Variants in GPC5 observed in about 807,000 individuals in gnomAD.
GPC5 encodes the protein glypican 5, also known as glypican-5.
A neutral mutation model predicts 53.9 loss-of-function variants in GPC5; 47 were observed. That is an observed-to-expected ratio of 0.87 (90% CI 0.69 to 1.11). GPC5 has a LOEUF of 1.11. Ranked by LOEUF, GPC5 falls within the 50% of genes most tolerant of loss-of-function variation. The probability of loss-of-function intolerance (pLI) is 0.00; values close to 1 mark genes in which losing one functional copy is unlikely to be tolerated. For synonymous variants in GPC5, 286 were observed against 263.3 expected (o/e 1.09, Z -0.84); for missense variants, 748 against 713.1 (o/e 1.05, Z -0.56).
At chr13:91,452,390 C>T (rs1238928772) in intron 2 of GPC5, among the ~76,000 whole-genome samples, 1 of 152,112 alleles carries the variant, frequency 6.6e-6, no homozygotes, top group Non-Finnish European at 1.5e-5. Flanking sequence ...AAAACTGCTA[C>T]CCTTATGTCA....
chr13:92,771,948 T>C (rs1875633242), intron 7 of GPC5, among the ~76,000 whole-genome samples: 2 of 152,168 alleles, frequency 1.3e-5, no homozygotes, highest in African/African-American at 4.8e-5. Flanking sequence ...TTAAATCTTT[T>C]TTTTAACTTC....
chr13:92,471,086 A>T (rs1291970379), intron 7 of GPC5, among the ~76,000 whole-genome samples: 1 of 152,080 alleles, frequency 6.6e-6, no homozygotes, highest in East Asian at 1.9e-4. Context: ...CCGTGTCCTT[A>T]TCGGGGCTAG....
chr13:92,768,615 T>A (rs902870607), intron 7 of GPC5, among the ~76,000 whole-genome samples: 17 of 152,138 alleles, frequency 1.1e-4, no homozygotes, highest in African/African-American at 4.1e-4. Flanking sequence ...ATGAAAAATC[T>A]TTCCCCCATA....
chr13:91,505,850 T>C (rs1884910444), intron 2 of GPC5, among the ~76,000 whole-genome samples: 1 of 152,214 alleles, frequency 6.6e-6, no homozygotes, highest in South Asian at 2.1e-4. Context: ...ATTATGATAA[T>C]TTCCCAGATA....
At position 91,807,625 on chromosome 13, in the gene GPC5, C is replaced by T. The variant is rs2038242562; in HGVS notation, c.1280+51205C>T. Among the ~76,000 whole-genome samples the T allele has an allele frequency of 2.6e-5, 4 of 152,074 alleles. No individual in the cohort carries two copies. In the South Asian group the frequency reaches 8.3e-4, roughly 31 times the overall value. On this transcript the variant is annotated intron_variant, in intron 5 of 7. Coordinates refer to ENST00000377067, the MANE Select transcript of GPC5 (RefSeq NM_004466.6). The stretch of plus-strand genomic sequence containing the variant: ...TGTTTTCTATTGTAAATTTGGTAGA[C>T]TTAATTACGGGTGATAATAGTAGCA...
chr13:91,637,935 T>G (rs1388019200), intron 2 of GPC5, among the ~76,000 whole-genome samples: 1 of 152,238 alleles, frequency 6.6e-6, no homozygotes, highest in Non-Finnish European at 1.5e-5. Flanking sequence ...GTTCCCTCTA[T>G]AAATGTGACT....
intron 7 of GPC5, among the ~76,000 whole-genome samples, chr13:92,539,707 T>G (rs1881868375): frequency 6.6e-6 from 1 of 151,926 alleles, no homozygotes. Context: ...TTTGCCTCCT[T>G]ATAGCCTCCT....
At chr13:92,153,417 C>T (rs946610491) in intron 7 of GPC5, among the ~76,000 whole-genome samples, 1 of 152,166 alleles carries the variant, frequency 6.6e-6, no homozygotes, top group Non-Finnish European at 1.5e-5. Context: ...GGATTACAAG[C>T]ATGAGCCACC....
intron 5 of GPC5, among the ~76,000 whole-genome samples, chr13:91,892,525 A>G (rs2039397892): frequency 6.6e-6 from 1 of 151,740 alleles, no homozygotes; most frequent in Non-Finnish European, 1.5e-5. Flanking sequence ...AATTATGTAT[A>G]TTAATTGTTA....
chr13:92,721,168 AG>A (rs1375726424), intron 7 of GPC5, among the ~76,000 whole-genome samples: 3 of 152,002 alleles, frequency 2.0e-5, no homozygotes, highest in Non-Finnish European at 4.4e-5. Flanking sequence ...CCTGGTGCAC[AG>A]GGAAGATGAC....
intron 4 of GPC5, among the ~76,000 whole-genome samples, chr13:91,738,983 C>A (rs1484162336): frequency 6.6e-6 from 1 of 151,222 alleles, no homozygotes; most frequent in Non-Finnish European, 1.5e-5. Flanking sequence ...TTGCTTTAGC[C>A]TTAGTATAGC....
At position 92,437,376 on chromosome 13, in the gene GPC5, G is replaced by T. The variant is rs1328885895; in HGVS notation, c.1561+292387G>T. Among the ~76,000 whole-genome samples the T allele has an allele frequency of 1.8e-4, 27 of 151,992 alleles. 1 individual carries two copies. Among genetic ancestry groups the T allele is most frequent in the Admixed American group, 1.8e-3 (27 of 15,250 alleles). On this transcript the variant is annotated intron_variant, in intron 7 of 7. Coordinates refer to ENST00000377067, the MANE Select transcript of GPC5 (RefSeq NM_004466.6). ...AGACTTGTTAAATGTAGTTTAAATT[G>T]AGAAGCTCCTGGCCTAGAGATACTG... is the stretch of plus-strand genomic sequence containing the variant.
intron 7 of GPC5, among the ~76,000 whole-genome samples, chr13:92,572,366 C>T (rs1446343976): frequency 2.0e-5 from 3 of 152,104 alleles, no homozygotes; most frequent in African/African-American, 7.2e-5. Flanking sequence ...CATTTTTTAA[C>T]GGTATCACCT....
At chr13:91,475,106 A>G (rs996019597) in intron 2 of GPC5, among the ~76,000 whole-genome samples, 1 of 152,200 alleles carries the variant, frequency 6.6e-6, no homozygotes, top group African/African-American at 2.4e-5. Context: ...TCTTAAATGT[A>G]TATCTTTTTT....
intron 5 of GPC5, among the ~76,000 whole-genome samples, chr13:91,826,330 A>T (rs894226860): frequency 6.6e-6 from 1 of 152,078 alleles, no homozygotes; most frequent in African/African-American, 2.4e-5. Context: ...TACCTAATAT[A>T]TATTGGTCTA....
intron 7 of GPC5, among the ~76,000 whole-genome samples, chr13:92,506,912 A>G (rs1880389440): frequency 1.3e-5 from 2 of 152,202 alleles, no homozygotes; most frequent in South Asian, 4.1e-4. Context: ...TATTAGAATT[A>G]TATACATACA....
At chr13:92,419,088 A>C (rs1936869358) in intron 7 of GPC5, among the ~76,000 whole-genome samples, 1 of 152,200 alleles carries the variant, frequency 6.6e-6, no homozygotes, top group Admixed American at 6.5e-5. Context: ...AATTTCACTC[A>C]GGGAAGCATT....
chr13:91,826,670 A>G (rs1466595383), intron 5 of GPC5, among the ~76,000 whole-genome samples: 1 of 152,140 alleles, frequency 6.6e-6, no homozygotes, highest in Non-Finnish European at 1.5e-5. Flanking sequence ...TCAGTAGTGT[A>G]TGGAACTGAC....
chr13:91,891,857 TC>T (rs1215016019), intron 5 of GPC5, among the ~76,000 whole-genome samples: 1 of 152,102 alleles, frequency 6.6e-6, no homozygotes, highest in Non-Finnish European at 1.5e-5. Context: ...ATTCGAAACT[TC>T]CATTTAAGAC....
Sources: allele counts gnomAD v4.1 joint callset (sites outside exome capture counted in the v4.1 genomes callset), GRCh38; gene constraint gnomAD v4.1.1; transcripts MANE v1.5; gene names NCBI Gene and HGNC (gene_info 2026-07-23, HGNC 2026-07-21).